ZNF385D: variants seen among roughly 807,000 people sequenced by gnomAD.
ZNF385D encodes the protein zinc finger protein 659.
A neutral mutation model predicts 35.8 loss-of-function variants in ZNF385D; 15 were observed. That is an observed-to-expected ratio of 0.42 (90% CI 0.28 to 0.64). The LOEUF (loss-of-function observed/expected upper bound fraction) is 0.64, where lower values mean the gene tolerates loss of function less well. Ranked by LOEUF, ZNF385D falls within the 30% of genes least tolerant of loss-of-function variation. The pLI is 0.23. For missense variants in ZNF385D, 474 were observed against 494.6 expected (o/e 0.96, Z 0.39); for synonymous variants, 212 against 186.8 (o/e 1.13, Z -1.10).
chr3:21,933,383 G>T (rs185938306), intron 3 of ZNF385D, among the ~76,000 whole-genome samples: 2 of 152,108 alleles, frequency 1.3e-5, no homozygotes, highest in Non-Finnish European at 2.9e-5. Flanking sequence ...TGGTACATTT[G>T]AAATCATGTA....
chr3:21,761,847 T>C (rs1294973821), intron 3 of ZNF385D, among the ~76,000 whole-genome samples: 1 of 150,748 alleles, frequency 6.6e-6, no homozygotes, highest in Non-Finnish European at 1.5e-5. Context: ...CTTAAAATTA[T>C]GATTTCAAGA....
In ZNF385D at chr3:21,950,023, G is replaced by A. The variant is rs540415929; in HGVS notation, c.325+218794C>T. Reference sequence around the variant, plus strand: ...ACAGTGCCACAATAAACATATGTGTGCACATGTCTTTATAGTAGAATGATT... The same window carrying A: ...ACAGTGCCACAATAAACATATGTGTACACATGTCTTTATAGTAGAATGATT... On this transcript the variant is annotated intron_variant, in intron 3 of 5. Transcript: ENST00000494108. 4.0e-4 allele frequency among the ~76,000 whole-genome samples: 61 copies of A among 152,228 alleles called. No homozygotes were observed. The South Asian group carries it at 0.012, about 29-fold the overall frequency.
At chr3:21,895,270 G>C in intron 3 of ZNF385D, among the ~76,000 whole-genome samples, 1 of 147,354 alleles carries the variant, frequency 6.8e-6, no homozygotes, top group East Asian at 2.1e-4. Context: ...ATTCCTACAA[G>C]TAGCTGGAAG....
At chr3:22,231,004 C>T (rs915828110) in intron 2 of ZNF385D, among the ~76,000 whole-genome samples, 3 of 151,794 alleles carry the variant, frequency 2.0e-5, no homozygotes, top group Admixed American at 2.0e-4. Context: ...CTTGGATATA[C>T]ATTTTATTAC....
intron 4 of ZNF385D, among the ~76,000 whole-genome samples, chr3:21,470,623 A>G (rs1288836643): frequency 6.6e-6 from 1 of 152,112 alleles, no homozygotes; most frequent in Non-Finnish European, 1.5e-5. Flanking sequence ...GAAAGCAAAA[A>G]CAAATGGTTT....
chr3:22,171,672 C>T (rs1308416397), intron 2 of ZNF385D, among the ~76,000 whole-genome samples: 3 of 151,816 alleles, frequency 2.0e-5, no homozygotes, highest in Non-Finnish European at 2.9e-5. Context: ...GTCAGGAGAT[C>T]GAGACCATCG....
intron 3 of ZNF385D, among the ~76,000 whole-genome samples, chr3:21,779,247 GC>G (rs1375020312): frequency 1.3e-5 from 2 of 151,862 alleles, no homozygotes. Context: ...AATATACTCT[GC>G]AAAACAAAAT....
At chr3:22,050,753 G>C (rs1699302294) in intron 3 of ZNF385D, among the ~76,000 whole-genome samples, 1 of 152,204 alleles carries the variant, frequency 6.6e-6, no homozygotes, top group South Asian at 2.1e-4. Context: ...TGTGTATTAT[G>C]TATTTGTTTA....
intron 1 of ZNF385D, 73 bp downstream of exon 1, chr3:21,750,822 T>A: frequency 6.3e-7 from 1 of 1,599,872 alleles, no homozygotes; most frequent in Non-Finnish European, 8.6e-7. Context: ...GCTTAAAGAA[T>A]TTTTTAAGGG....
intron 4 of ZNF385D, among the ~76,000 whole-genome samples, chr3:21,442,583 T>G (rs1701915184): frequency 6.6e-6 from 1 of 152,096 alleles, no homozygotes; most frequent in South Asian, 2.1e-4. Context: ...TAACTAAAAT[T>G]TATTGAGCCC....
chr3:22,153,017 T>C (rs1042502177), intron 3 of ZNF385D, among the ~76,000 whole-genome samples: 9 of 152,086 alleles, frequency 5.9e-5, no homozygotes, highest in East Asian at 1.9e-4. Context: ...TGGTGAAAAA[T>C]AGGGAGATGT....
intron 2 of ZNF385D, among the ~76,000 whole-genome samples, chr3:22,237,213 C>T (rs1576543663): frequency 6.6e-6 from 1 of 152,142 alleles, no homozygotes; most frequent in African/African-American, 2.4e-5. Flanking sequence ...TTTATTACAG[C>T]CATTCTCTGT....
intron 3 of ZNF385D, among the ~76,000 whole-genome samples, chr3:22,012,565 G>C (rs1696643455): frequency 6.6e-6 from 1 of 151,814 alleles, no homozygotes; most frequent in African/African-American, 2.4e-5. Flanking sequence ...GTCTAATGAA[G>C]AGACCAGACT....
At chr3:21,852,006 C>T (rs1002503275) in intron 3 of ZNF385D, among the ~76,000 whole-genome samples, 5 of 151,966 alleles carry the variant, frequency 3.3e-5, no homozygotes, top group South Asian at 2.1e-4. Flanking sequence ...TTCTAAAATG[C>T]TTCATGACAG....
chr3:21,522,220 A>T (rs163482), intron 3 of ZNF385D, among the ~76,000 whole-genome samples: 22,284 of 152,186 alleles, frequency 0.15, 1,720 homozygotes, highest in Admixed American at 0.24. Flanking sequence ...ACCAAACAGA[A>T]CTCTGAAGTG....
intron 4 of ZNF385D, among the ~76,000 whole-genome samples, chr3:21,464,219 G>A (rs965481613): frequency 3.3e-5 from 5 of 152,014 alleles, no homozygotes; most frequent in East Asian, 1.9e-4. Flanking sequence ...TTTTATAATC[G>A]CTGACTGGAG....
intron 4 of ZNF385D, among the ~76,000 whole-genome samples, chr3:21,461,471 C>T (rs940305049): frequency 6.6e-6 from 1 of 151,988 alleles, no homozygotes; most frequent in Non-Finnish European, 1.5e-5. Context: ...TCGTTTGAAC[C>T]CAGGAGGCAG....
chr3:22,291,883 T>C (rs1702318946), intron 2 of ZNF385D, among the ~76,000 whole-genome samples: 1 of 152,098 alleles, frequency 6.6e-6, no homozygotes, highest in African/African-American at 2.4e-5. Flanking sequence ...AGTTTTCATA[T>C]GTGAAACTGG....
chr3:21,846,028 G>T (rs1018068385), intron 3 of ZNF385D, among the ~76,000 whole-genome samples: 2 of 152,024 alleles, frequency 1.3e-5, no homozygotes, highest in African/African-American at 4.8e-5. Context: ...GAGCCTGCTA[G>T]TAACATACAG....
Sources: gnomAD v4.1 joint callset for allele counts (sites outside exome capture counted in the v4.1 genomes callset) on GRCh38, gnomAD v4.1.1 for gene constraint, MANE v1.5 for transcripts, NCBI Gene and HGNC (gene_info 2026-07-23, HGNC 2026-07-21) for gene names.